The following PHRF1 variants were observed in gnomAD, a reference collection of about 807,000 sequenced individuals.
The protein encoded by PHRF1 is PHD and ring finger domains 1, also known as PHD and RING finger domain-containing protein 1.
In PHRF1, 53 loss-of-function variants were observed where a neutral mutation model predicts 128.9. That is an observed-to-expected ratio of 0.41 (90% CI 0.33 to 0.52). The LOEUF (loss-of-function observed/expected upper bound fraction) is 0.52, where lower values mean the gene tolerates loss of function less well. Among genes scored for constraint, PHRF1 ranks in the 20% least tolerant of loss-of-function variants. The probability of loss-of-function intolerance (pLI) is 0.21; values close to 1 mark genes in which losing one functional copy is unlikely to be tolerated. For missense variants in PHRF1, 2,503 were observed against 2,284.5 expected (o/e 1.10, Z -1.95); for synonymous variants, 1,178 against 980.6 (o/e 1.20, Z -3.76).
chr11:587,655 CAT>C (rs561070303), intron 4 of PHRF1, among the ~76,000 whole-genome samples, 191 bp downstream of exon 4: 80 of 152,188 alleles, frequency 5.3e-4, no homozygotes, highest in African/African-American at 1.9e-3. Context: ...TGGGTGAGCT[CAT>C]GTGAGGCGTT....
chr11:579,079 G>A (rs1289421944), intron 1 of PHRF1, among the ~76,000 whole-genome samples: 1 of 152,170 alleles, frequency 6.6e-6, no homozygotes. Flanking sequence ...AGCTCAGGCC[G>A]TCTGCCCACC....
intron 5 of PHRF1, 50 bp from the exon 6 acceptor site, chr11:592,509 C>A: frequency 1.3e-6 from 2 of 1,552,174 alleles, no homozygotes; most frequent in Non-Finnish European, 1.8e-6. Context: ...TGGGAAGTGA[C>A]TGCGGGGAGT....
chr11:603,097 C>T (rs919257218), intron 10 of PHRF1, among the ~76,000 whole-genome samples: 27 of 152,000 alleles, frequency 1.8e-4, no homozygotes, highest in Non-Finnish European at 3.2e-4. Context: ...CTCTGTGGCC[C>T]AGGCTGAAGT....
intron 2 of PHRF1, 89 bp downstream of exon 2, chr11:581,695 G>A: frequency 7.9e-7 from 1 of 1,268,240 alleles, no homozygotes; most frequent in Non-Finnish European, 1.1e-6. Context: ...TGTGTCACTT[G>A]TCAACTTTCA....
At position 608,307 on chromosome 11, in the gene PHRF1, A is replaced by C; in HGVS notation, c.2851A>C (p.Thr951Pro). 3 of 1,609,504 alleles carry C rather than the reference A, an allele frequency of 1.9e-6. No individual in the cohort carries two copies. Among genetic ancestry groups the C allele is most frequent in the South Asian group, 1.1e-5 (1 of 90,798 alleles). ...TGAGGAGGATGGGGCGTCTTGCAGCACCTTCTTTGGCTCTGAGGAGCGGAC... is the reference window on the plus strand; with the variant it reads ...TGAGGAGGATGGGGCGTCTTGCAGCCCCTTCTTTGGCTCTGAGGAGCGGAC... Reference protein sequence around the residue: ...WDEEDGASCSTFFGSEERTVT... With the variant: ...WDEEDGASCSPFFGSEERTVT... Residue 951 changes from threonine to proline, a missense_variant, in exon 14 of 18, where the codon ACC becomes CCC. Transcript: ENST00000264555.
At chr11:606,720 GC>G in intron 13 of PHRF1, 124 bp downstream of exon 13, 1 of 1,344,270 alleles carries the variant, frequency 7.4e-7, no homozygotes, top group Non-Finnish European at 9.9e-7. Flanking sequence ...CCATTCCTCA[GC>G]CATTTTTCTG....
intron 9 of PHRF1, among the ~76,000 whole-genome samples, chr11:598,945 G>A (rs1345400353): frequency 6.6e-6 from 1 of 152,180 alleles, no homozygotes; most frequent in African/African-American, 2.4e-5. Flanking sequence ...TGTGAGTTTT[G>A]GTAATTTTGT....
intron 1 of PHRF1, among the ~76,000 whole-genome samples, chr11:577,309 G>A (rs11246194): frequency 0.078 from 11,809 of 152,292 alleles, 748 homozygotes; most frequent in African/African-American, 0.18. Flanking sequence ...CCTTTTGACG[G>A]GGCTTGTGTT....
Position 583,381 on chromosome 11 carries a change from G to T in PHRF1, c.214+1300G>T, listed in dbSNP as rs1854336221. Among the ~76,000 whole-genome samples, 3 of 151,470 alleles carry T rather than the reference G, an allele frequency of 2.0e-5. No homozygotes were observed. In the South Asian group the frequency reaches 6.3e-4, roughly 32 times the overall value. ...ACCCCACCAAAATTAGCCGGGCGTG[G>T]TGGTGCGTGCCTGTAATCCCCACTA... On this transcript the variant is annotated intron_variant, in intron 3 of 17. Transcript: ENST00000264555.
intron 13 of PHRF1, 105 bp downstream of exon 13, chr11:606,701 T>C: frequency 7.0e-7 from 1 of 1,419,636 alleles, no homozygotes; most frequent in Non-Finnish European, 9.3e-7. Flanking sequence ...GTAGCTGAAG[T>C]TGGGGGGACC....
At position 607,517 on chromosome 11, in the gene PHRF1, A is replaced by G; in HGVS notation, c.2061A>G (p.Arg687=). Residue 687 remains arginine, a synonymous_variant, in exon 14 of 18, where the codon AGA becomes AGG. Coordinates refer to ENST00000264555, the MANE Select transcript of PHRF1 (RefSeq NM_001286581.2). ...SELPRIPKIR[R]DDGGGRRDAA... Reference sequence around the variant, plus strand: ...TACCCAGGATACCAAAGATCAGGAGAGATGACGGTGGTGGCAGACGGGATG... The same window carrying G: ...TACCCAGGATACCAAAGATCAGGAGGGATGACGGTGGTGGCAGACGGGATG... 3.1e-6 allele frequency: 5 copies of G among 1,612,728 alleles called. No homozygotes were observed. The highest frequency in any genetic ancestry group is 4.2e-6 in the Non-Finnish European group (5 of 1,179,880).
Position 612,007 on chromosome 11 carries a change from TTA to T in PHRF1, c.*233_*234del. 1.7e-6 allele frequency: 1 copy of T among 582,588 alleles called. No individual in the cohort carries two copies. The highest frequency in any genetic ancestry group is 2.9e-6 in the Non-Finnish European group (1 of 340,646). The allele number at this position is 582,588 out of a possible 1,614,324, so 36.1% of individuals were successfully genotyped here. A position where few individuals can be genotyped will look rare whatever the true frequency, so the allele number is the denominator to read the frequency against. On this transcript the variant is annotated 3_prime_UTR_variant, in exon 18 of 18. Transcript: ENST00000264555. ...AAAACTGGACACTTTTGTATGTATA[TTA>T]TAGAGACACTGTTTCCATTCTAATT...
At chr11:592,806 C>A in intron 6 of PHRF1, 132 bp downstream of exon 6, 1 of 927,420 alleles carries the variant, frequency 1.1e-6, no homozygotes, top group Non-Finnish European at 1.7e-6. Context: ...CCACCCTCAG[C>A]AGCGCGGTTC....
intron 6 of PHRF1, among the ~76,000 whole-genome samples, chr11:593,815 G>A (rs1240827027): frequency 2.0e-5 from 3 of 152,162 alleles, no homozygotes; most frequent in East Asian, 1.9e-4. Context: ...AGATAGCCAC[G>A]CCTCTGCTCA....
intron 9 of PHRF1, among the ~76,000 whole-genome samples, chr11:599,342 C>G (rs1855499596): frequency 1.4e-5 from 2 of 145,868 alleles, no homozygotes; most frequent in Admixed American, 1.4e-4. Flanking sequence ...CCTCCACCTT[C>G]CGGGTTCAAG....
intron 17 of PHRF1, among the ~76,000 whole-genome samples, 193 bp downstream of exon 17, chr11:611,275 C>T (rs1564875097): frequency 6.6e-6 from 1 of 152,134 alleles, no homozygotes; most frequent in South Asian, 2.1e-4. Context: ...CTGCCCCTGG[C>T]AGATGCTTAG....
intron 3 of PHRF1, 100 bp from the exon 4 acceptor site, chr11:587,159 C>A: frequency 2.6e-6 from 3 of 1,161,104 alleles, no homozygotes; most frequent in Non-Finnish European, 2.5e-6. Context: ...CTGTGCATTG[C>A]CGACCTGGTG....
chr11:584,021 C>T (rs1854374890), intron 3 of PHRF1, among the ~76,000 whole-genome samples: 1 of 152,218 alleles, frequency 6.6e-6, no homozygotes, highest in Admixed American at 6.5e-5. Context: ...CTGTGGTTAT[C>T]AGGGTTAGAA....
rs1292398571 is a variant in PHRF1 at position 606,819 on chromosome 11, A to C, written c.1609+223A>C. ...TTCATGTTCATAAGAACATGTCCTG[A>C]TGGGGTACTGCCCCCGCCCCTGGTT... On this transcript the variant is annotated intron_variant, in intron 13 of 17. Coordinates refer to ENST00000264555, the MANE Select transcript of PHRF1 (RefSeq NM_001286581.2). 7 of 862,932 alleles carry C rather than the reference A, an allele frequency of 8.1e-6. No individual in the cohort carries two copies. The East Asian group carries it at 1.9e-4, about 23-fold the overall frequency. 53.5% of individuals were successfully genotyped at this position (862,932 alleles called of 1,614,324 possible). A position where few individuals can be genotyped will look rare whatever the true frequency, so the allele number is the denominator to read the frequency against.
Sources: allele counts gnomAD v4.1 joint callset (sites outside exome capture counted in the v4.1 genomes callset), GRCh38; gene constraint gnomAD v4.1.1; transcripts MANE v1.5; gene names NCBI Gene and HGNC (gene_info 2026-07-23, HGNC 2026-07-21).